Variants in CSMD1 observed in about 807,000 individuals in gnomAD.
The protein encoded by CSMD1 is CUB and Sushi multiple domains 1, also known as CUB and sushi domain-containing protein 1.
CSMD1 carries 213 observed loss-of-function variants against 417.5 expected under a neutral mutation model. The ratio of observed to expected loss-of-function variants is 0.51; its 90% confidence interval spans 0.46 to 0.57. CSMD1 has a LOEUF of 0.57. Ranked by LOEUF, CSMD1 falls within the 20% of genes least tolerant of loss-of-function variation. The pLI is 0.00. For synonymous variants in CSMD1, 2,862 were observed against 1,736.8 expected, an observed-to-expected ratio of 1.65 and a Z score of -16.11; for missense variants, 6,923 against 4,529.7, an observed-to-expected ratio of 1.53 and a Z score of -15.17.
At chr8:2,952,308 T>C (rs1315399566) in intron 65 of CSMD1, among the ~76,000 whole-genome samples, 1 of 152,176 alleles carries the variant, frequency 6.6e-6, no homozygotes, top group Non-Finnish European at 1.5e-5. Flanking sequence ...CCATTTATAG[T>C]CGCAAATAAT....
chr8:3,487,175 G>T (rs950041483), intron 11 of CSMD1, among the ~76,000 whole-genome samples: 4 of 150,872 alleles, frequency 2.7e-5, no homozygotes, highest in African/African-American at 9.8e-5. Context: ...TCAGACAACA[G>T]TGATTGATGT....
chr8:3,344,007 C>T (rs997191353), intron 22 of CSMD1, among the ~76,000 whole-genome samples: 1 of 152,096 alleles, frequency 6.6e-6, no homozygotes, highest in Admixed American at 6.5e-5. Flanking sequence ...TCTCATCATG[C>T]AATAGTAATA....
intron 22 of CSMD1, among the ~76,000 whole-genome samples, chr8:3,344,774 A>G (rs567732791): frequency 6.6e-6 from 1 of 152,314 alleles, no homozygotes; most frequent in Admixed American, 6.5e-5. Flanking sequence ...GGATGTACAC[A>G]GATATAGATA....
chr8:3,191,853 T>G (rs1468671104), intron 33 of CSMD1, among the ~76,000 whole-genome samples: 1 of 152,236 alleles, frequency 6.6e-6, no homozygotes, highest in African/African-American at 2.4e-5. Flanking sequence ...ATTTAGGTAC[T>G]GTCTCTGGGA....
intron 3 of CSMD1, among the ~76,000 whole-genome samples, chr8:4,145,542 C>A (rs573515179): frequency 1.3e-5 from 2 of 151,022 alleles, no homozygotes; most frequent in Admixed American, 1.3e-4. Flanking sequence ...TTCAGAATTT[C>A]TTTATTATTA....
At chr8:4,006,395 AT>A (rs1749395579) in intron 4 of CSMD1, among the ~76,000 whole-genome samples, 1 of 152,066 alleles carries the variant, frequency 6.6e-6, no homozygotes, top group Non-Finnish European at 1.5e-5. Flanking sequence ...AATACAAAAA[AT>A]AGCTGGGTGT....
At chr8:4,950,517 T>C (rs1442326950) in intron 1 of CSMD1, among the ~76,000 whole-genome samples, 2 of 152,196 alleles carry the variant, frequency 1.3e-5, no homozygotes, top group African/African-American at 4.8e-5. Context: ...CATACACTAC[T>C]TTATTCATAA....
At chr8:3,077,342 C>T (rs1813756380) in intron 49 of CSMD1, among the ~76,000 whole-genome samples, 1 of 152,066 alleles carries the variant, frequency 6.6e-6, no homozygotes, top group Non-Finnish European at 1.5e-5. Context: ...GGGGACTGAG[C>T]CCTGAAATGA....
chr8:4,628,809 T>G (rs1396461809), intron 2 of CSMD1, among the ~76,000 whole-genome samples: 1 of 152,080 alleles, frequency 6.6e-6, no homozygotes, highest in Non-Finnish European at 1.5e-5. Context: ...CTGTTAAAAT[T>G]ATATCTAGAT....
At chr8:4,256,426 A>T (rs1419439374) in intron 3 of CSMD1, among the ~76,000 whole-genome samples, 1 of 152,160 alleles carries the variant, frequency 6.6e-6, no homozygotes, top group Non-Finnish European at 1.5e-5. Context: ...AATAGCACAG[A>T]ATTGTGAAGA....
chr8:3,654,156 A>G (rs1221035240), intron 7 of CSMD1, among the ~76,000 whole-genome samples: 3 of 152,212 alleles, frequency 2.0e-5, no homozygotes, highest in Non-Finnish European at 4.4e-5. Context: ...CCCTGTGTGC[A>G]CACACACATC....
chr8:4,054,850 G>C (rs909757778), intron 3 of CSMD1, among the ~76,000 whole-genome samples: 2 of 152,116 alleles, frequency 1.3e-5, no homozygotes, highest in African/African-American at 4.8e-5. Context: ...CCACTGTTTG[G>C]AGAGAATGTA....
intron 25 of CSMD1, among the ~76,000 whole-genome samples, chr8:3,307,069 C>G (rs1293303362): frequency 1.3e-5 from 2 of 152,148 alleles, no homozygotes; most frequent in Admixed American, 1.3e-4. Context: ...CATCCCTGCA[C>G]ACAAGTCTTT....
At chr8:2,972,925 G>A (rs905440787) in intron 57 of CSMD1, among the ~76,000 whole-genome samples, 192 bp downstream of exon 57, 1 of 152,212 alleles carries the variant, frequency 6.6e-6, no homozygotes, top group East Asian at 1.9e-4. Flanking sequence ...GATGGGACCT[G>A]TGGATACTTG....
At chr8:4,808,596 A>G (rs887688057) in intron 1 of CSMD1, among the ~76,000 whole-genome samples, 19 of 152,182 alleles carry the variant, frequency 1.2e-4, no homozygotes, top group African/African-American at 4.1e-4. Context: ...TGTGATACTA[A>G]TGGTTTCACC....
chr8:4,815,863 G>C (rs1416091532), intron 1 of CSMD1, among the ~76,000 whole-genome samples: 1 of 152,146 alleles, frequency 6.6e-6, no homozygotes, highest in Non-Finnish European at 1.5e-5. Flanking sequence ...TTGTTTTAAA[G>C]AGTGGGACTG....
chr8:3,287,694 G>T (rs1803262108), intron 25 of CSMD1, among the ~76,000 whole-genome samples: 2 of 152,174 alleles, frequency 1.3e-5, no homozygotes, highest in South Asian at 4.1e-4. Context: ...AGCTTAAGGA[G>T]ATTTGGGGCT....
intron 5 of CSMD1, among the ~76,000 whole-genome samples, chr8:3,831,850 A>G (rs1802396056): frequency 6.6e-6 from 1 of 152,196 alleles, no homozygotes; most frequent in African/African-American, 2.4e-5. Flanking sequence ...ATCCTTGTTC[A>G]TATAACATAG....
chr8:3,083,632 ATATATATATATATATATTT>A (rs1814282524), intron 49 of CSMD1, among the ~76,000 whole-genome samples: 2 of 28,032 alleles, frequency 7.1e-5, no homozygotes, highest in African/African-American at 1.5e-4. Flanking sequence ...ATATATATAT[ATATATATATATATATATTT>A]TTTTTTTTTT....
Sources: gnomAD v4.1 joint callset for allele counts (sites outside exome capture counted in the v4.1 genomes callset) on GRCh38, gnomAD v4.1.1 for gene constraint, MANE v1.5 for transcripts, NCBI Gene and HGNC (gene_info 2026-07-23, HGNC 2026-07-21) for gene names.